The following MMP26 variants were observed in gnomAD, a reference collection of about 807,000 sequenced individuals.
The protein encoded by MMP26 is matrix metallopeptidase 26.
A neutral mutation model predicts 31.0 loss-of-function variants in MMP26; 33 were observed. That is an observed-to-expected ratio of 1.06 (90% CI 0.81 to 1.42). The LOEUF is 1.42. Ranked by LOEUF, MMP26 falls within the 40% of genes most tolerant of loss-of-function variation. The pLI, the probability that MMP26 is intolerant of heterozygous loss-of-function variation, is 0.00. For missense variants in MMP26, 347 were observed against 316.1 expected (o/e 1.10, Z -0.74); for synonymous variants, 122 against 114.9 (o/e 1.06, Z -0.40).
At chr11:4,893,884 G>C (rs879508331) in intron 2 of MMP26, among the ~76,000 whole-genome samples, 1 of 151,850 alleles carries the variant, frequency 6.6e-6, no homozygotes, top group Non-Finnish European at 1.5e-5. Flanking sequence ...ATGATCACTT[G>C]AGTCCAGGGA....
intron 1 of MMP26, among the ~76,000 whole-genome samples, chr11:4,746,237 T>G (rs1196102381): frequency 6.6e-6 from 1 of 152,224 alleles, no homozygotes; most frequent in Non-Finnish European, 1.5e-5. Flanking sequence ...GTGTTCTTTC[T>G]TCCTATTTCT....
At chr11:4,781,553 C>CAA (rs780005906) in intron 2 of MMP26, among the ~76,000 whole-genome samples, 1 of 15,192 alleles carries the variant, frequency 6.6e-5, no homozygotes, top group Non-Finnish European at 9.4e-5. Context: ...GACTCCGTCT[C>CAA]AAAAAAAAAA....
chr11:4,976,355 T>A (rs1182259410), intron 2 of MMP26, among the ~76,000 whole-genome samples: 2 of 152,076 alleles, frequency 1.3e-5, no homozygotes, highest in Non-Finnish European at 2.9e-5. Context: ...TTATGCAGAT[T>A]GTCAAACCTT....
chr11:4,869,162 G>T (rs1850278059), intron 2 of MMP26, among the ~76,000 whole-genome samples: 1 of 152,124 alleles, frequency 6.6e-6, no homozygotes, highest in Non-Finnish European at 1.5e-5. Flanking sequence ...CATGGGCAAG[G>T]ACATCATGTC....
At chr11:4,754,390 A>T (rs952355401) in intron 1 of MMP26, among the ~76,000 whole-genome samples, 1 of 151,960 alleles carries the variant, frequency 6.6e-6, no homozygotes, top group Non-Finnish European at 1.5e-5. Context: ...GACGTGAAAC[A>T]ATTTTATTTC....
intron 1 of MMP26, chr11:4,709,696 G>T: frequency 2.2e-6 from 1 of 459,030 alleles, no homozygotes. Flanking sequence ...GCTATCTCTG[G>T]GAATGGCATG....
intron 2 of MMP26, chr11:4,822,448 T>C: frequency 5.2e-6 from 7 of 1,343,356 alleles, no homozygotes; most frequent in South Asian, 2.4e-5. Flanking sequence ...TGTCCCAAAG[T>C]GCCCACACAT....
intron 2 of MMP26, among the ~76,000 whole-genome samples, chr11:4,938,950 C>G (rs1241512443): frequency 1.3e-5 from 2 of 152,126 alleles, no homozygotes; most frequent in Non-Finnish European, 2.9e-5. Flanking sequence ...ATCCTAATTT[C>G]TCCCCAGTAT....
At chr11:4,887,272 A>G (rs967195396) in intron 2 of MMP26, among the ~76,000 whole-genome samples, 2 of 152,170 alleles carry the variant, frequency 1.3e-5, no homozygotes, top group African/African-American at 4.8e-5. Flanking sequence ...TTACTCTTAT[A>G]TCTCTGTTTT....
intron 2 of MMP26, among the ~76,000 whole-genome samples, chr11:4,812,180 A>C (rs1253006861): frequency 6.6e-6 from 1 of 152,172 alleles, no homozygotes; most frequent in Non-Finnish European, 1.5e-5. Context: ...TGACATGAGA[A>C]TTCTGAGACA....
At chr11:4,757,083 C>G (rs1188258195) in intron 1 of MMP26, among the ~76,000 whole-genome samples, 2 of 151,942 alleles carry the variant, frequency 1.3e-5, no homozygotes, top group African/African-American at 2.4e-5. Context: ...GGATTGAAAA[C>G]TTAACATTAA....
chr11:4,838,825 A>C (rs1203573059), intron 2 of MMP26, among the ~76,000 whole-genome samples: 4 of 152,184 alleles, frequency 2.6e-5, no homozygotes, highest in Admixed American at 2.6e-4. Context: ...GTACATAAGA[A>C]ACACTTTTTT....
At position 4,845,047 on chromosome 11, in the gene MMP26, G is replaced by T. The variant is rs1849848098; in HGVS notation, c.-145+77706G>T. Among the ~76,000 whole-genome samples, 2 of 152,088 alleles carry T rather than the reference G, an allele frequency of 1.3e-5. 1 individual carries two copies. The highest frequency in any genetic ancestry group is 4.1e-4 in the South Asian group (2 of 4,832). On this transcript the variant is annotated intron_variant, in intron 2 of 7. Transcript: ENST00000380390. Reference sequence around the variant, plus strand: ...TTATTAGAACTGAGGAACAAATTCAGTAAATTTGCAGGATACAAAATTAGC... The same window carrying T: ...TTATTAGAACTGAGGAACAAATTCATTAAATTTGCAGGATACAAAATTAGC...
chr11:4,829,224 C>T (rs1457941569), intron 2 of MMP26, among the ~76,000 whole-genome samples: 6 of 152,066 alleles, frequency 3.9e-5, no homozygotes, highest in Admixed American at 1.3e-4. Flanking sequence ...AAATCTTCAG[C>T]GGTGTTAAGC....
At chr11:4,902,368 G>A (rs1410409174) in intron 2 of MMP26, among the ~76,000 whole-genome samples, 1 of 152,030 alleles carries the variant, frequency 6.6e-6, no homozygotes. Flanking sequence ...TAAGAACACA[G>A]TATCTGGTTT....
chr11:4,957,398 G>A (rs1180352026), intron 2 of MMP26, among the ~76,000 whole-genome samples: 1 of 152,040 alleles, frequency 6.6e-6, no homozygotes, highest in African/African-American at 2.4e-5. Flanking sequence ...TTCTACAAAG[G>A]GCATCCAGGT....
intron 2 of MMP26, among the ~76,000 whole-genome samples, chr11:4,820,691 T>C (rs113383625): frequency 1.2e-3 from 184 of 152,174 alleles, no homozygotes; most frequent in African/African-American, 4.1e-3. Flanking sequence ...TTTCTTACTT[T>C]TGTGGTTTCT....
At chr11:4,963,993 A>G (rs1846556334) in intron 2 of MMP26, among the ~76,000 whole-genome samples, 1 of 151,908 alleles carries the variant, frequency 6.6e-6, no homozygotes, top group African/African-American at 2.4e-5. Flanking sequence ...TTAAGTTCCC[A>G]TAGACGCTGG....
chr11:4,979,669 A>T (rs1589823430), intron 2 of MMP26, among the ~76,000 whole-genome samples: 1 of 152,068 alleles, frequency 6.6e-6, no homozygotes, highest in African/African-American at 2.4e-5. Context: ...TCCCTAACTT[A>T]TCTCCTTTTA....
Sources: allele counts gnomAD v4.1 joint callset (sites outside exome capture counted in the v4.1 genomes callset), GRCh38; gene constraint gnomAD v4.1.1; transcripts MANE v1.5; gene names NCBI Gene and HGNC (gene_info 2026-07-23, HGNC 2026-07-21).